The following PPP1R1C variants were observed in gnomAD, a reference collection of about 807,000 sequenced individuals.
PPP1R1C encodes protein phosphatase 1 regulatory inhibitor subunit 1C.
A neutral mutation model predicts 17.4 loss-of-function variants in PPP1R1C; 15 were observed. That is an observed-to-expected ratio of 0.86 (90% CI 0.58 to 1.33). The LOEUF (loss-of-function observed/expected upper bound fraction) is 1.33, where lower values mean the gene tolerates loss of function less well. Ranked by LOEUF, PPP1R1C falls within the 40% of genes most tolerant of loss-of-function variation. PPP1R1C has a pLI of 0.00. For missense variants in PPP1R1C, 143 were observed against 130.0 expected, an observed-to-expected ratio of 1.10 and a Z score of -0.48; for synonymous variants, 35 against 43.1, an observed-to-expected ratio of 0.81 and a Z score of 0.73.
chr2:181,970,158 T>C (rs1450444004), intron 1 of PPP1R1C, among the ~76,000 whole-genome samples: 1 of 151,678 alleles, frequency 6.6e-6, no homozygotes, highest in Non-Finnish European at 1.5e-5. Context: ...TCCTTTGAGG[T>C]CATGTTTTCC....
intron 2 of PPP1R1C, among the ~76,000 whole-genome samples, chr2:182,029,500 G>A (rs1365959271): frequency 2.0e-5 from 3 of 149,542 alleles, no homozygotes; most frequent in Non-Finnish European, 3.0e-5. Context: ...ATGAAATTCT[G>A]GGTTGAAAAT....
At chr2:182,086,498 A>T (rs1688634408) in intron 4 of PPP1R1C, among the ~76,000 whole-genome samples, 1 of 152,160 alleles carries the variant, frequency 6.6e-6, no homozygotes, top group Non-Finnish European at 1.5e-5. Flanking sequence ...TTGTTATAGG[A>T]TTCTGCATTT....
chr2:182,061,455 GAGGGGGCCCAACACACA>G lies in PPP1R1C; in HGVS notation c.162_178del (p.Pro55IlefsTer7). 6.8e-7 allele frequency: 1 copy of G among 1,475,204 alleles called. No individual in the cohort carries two copies. The highest frequency in any genetic ancestry group is 1.4e-5 in the South Asian group (1 of 73,292). The allele number at this position is 1,475,204 out of a possible 1,614,324, so 91.4% of individuals were successfully genotyped here. A position where few individuals can be genotyped will look rare whatever the true frequency, so the allele number is the denominator to read the frequency against. On this transcript the variant is annotated frameshift_variant, in exon 3 of 5. Coordinates refer to ENST00000682840, the MANE Select transcript of PPP1R1C (RefSeq NM_001080545.3). LOFTEE classifies it high-confidence loss of function. ...CTTCTCTTACAGAAATAGATGACAA[GAGGGGGCCCAACACACA>G]AGGGGAAGTAAGTTTTTAAAAATAT...
intron 4 of PPP1R1C, among the ~76,000 whole-genome samples, chr2:182,104,818 G>T (rs1044229398): frequency 6.6e-6 from 1 of 152,172 alleles, no homozygotes; most frequent in East Asian, 1.9e-4. Flanking sequence ...TATTTTGGAA[G>T]ATTTTGTTAA....
At chr2:181,997,475 A>AT (rs74804944) in intron 2 of PPP1R1C, among the ~76,000 whole-genome samples, 57 of 152,008 alleles carry the variant, frequency 3.7e-4, no homozygotes, top group East Asian at 1.2e-3. Flanking sequence ...GCTAATAATA[A>AT]TTTTTTTGTT....
intron 2 of PPP1R1C, among the ~76,000 whole-genome samples, chr2:182,049,280 A>G (rs1302323286): frequency 6.6e-6 from 1 of 150,714 alleles, no homozygotes; most frequent in Non-Finnish European, 1.5e-5. Flanking sequence ...CCATGAGCCA[A>G]GATCATGCCA....
At chr2:182,004,447 T>C (rs931394595) in intron 2 of PPP1R1C, among the ~76,000 whole-genome samples, 1 of 152,130 alleles carries the variant, frequency 6.6e-6, no homozygotes, top group Non-Finnish European at 1.5e-5. Context: ...TAGGAACACA[T>C]AGCCCAGTCA....
intron 4 of PPP1R1C, among the ~76,000 whole-genome samples, chr2:182,081,259 G>C (rs1473764528): frequency 6.6e-6 from 1 of 152,096 alleles, no homozygotes; most frequent in Non-Finnish European, 1.5e-5. Flanking sequence ...TATACAAAAG[G>C]GGGTTAAAGG....
At chr2:182,103,809 AGG>A (rs1689170959) in intron 4 of PPP1R1C, 1 of 152,240 alleles carries the variant, frequency 6.6e-6, no homozygotes, top group Non-Finnish European at 1.5e-5. Flanking sequence ...AACTGAGTGG[AGG>A]CCTTCCACAG....
At chr2:182,045,393 T>C (rs1444340301) in intron 2 of PPP1R1C, among the ~76,000 whole-genome samples, 1 of 151,564 alleles carries the variant, frequency 6.6e-6, no homozygotes, top group Non-Finnish European at 1.5e-5. Context: ...GAAAGTGAAA[T>C]AGGATTTTAA....
chr2:182,124,304 GTTTTTTTTTGT>G lies in PPP1R1C; in HGVS notation c.*7-4660_*7-4650del, dbSNP rs1273833159. On this transcript the variant is annotated intron_variant, in intron 5 of 5. Transcript: ENST00000280295. Reference sequence around the variant, plus strand: ...CAGGTAGTGTTATGCCTCCAGCTTTGTTTTTTTTTGTTTTTTTTTTTTGTTTTTTTTTTTGT... The same window carrying G: ...CAGGTAGTGTTATGCCTCCAGCTTTGTTTTTTTTTTTGTTTTTTTTTTTGT... Among the ~76,000 whole-genome samples, 76 of 77,648 alleles carry G rather than the reference GTTTTTTTTTGT, an allele frequency of 9.8e-4. 1 individual carries two copies. Among genetic ancestry groups the G allele is most frequent in the African/African-American group, 3.2e-3 (72 of 22,638 alleles). 50.9% of individuals were successfully genotyped at this position (77,648 alleles called of 152,430 possible). A position where few individuals can be genotyped will look rare whatever the true frequency, so the allele number is the denominator to read the frequency against.
intron 2 of PPP1R1C, among the ~76,000 whole-genome samples, chr2:181,980,570 G>A (rs1411309906): frequency 6.6e-6 from 1 of 152,070 alleles, no homozygotes; most frequent in Non-Finnish European, 1.5e-5. Flanking sequence ...ACAGTGCCTC[G>A]GCTCTACAAA....
intron 2 of PPP1R1C, among the ~76,000 whole-genome samples, chr2:182,053,436 G>A (rs1258497825): frequency 6.6e-6 from 1 of 152,088 alleles, no homozygotes; most frequent in Non-Finnish European, 1.5e-5. Flanking sequence ...GCTGTATTTT[G>A]TCATTTTTGA....
chr2:181,990,975 C>T (rs1214424026), intron 2 of PPP1R1C, among the ~76,000 whole-genome samples: 1 of 152,136 alleles, frequency 6.6e-6, no homozygotes, highest in Non-Finnish European at 1.5e-5. Flanking sequence ...CAAAACCCTG[C>T]AAATCTTTCT....
At chr2:181,981,114 G>T (rs1432332366), upstream of PPP1R1C, among the ~76,000 whole-genome samples, 1 of 151,676 alleles carries the variant, frequency 6.6e-6, no homozygotes. Flanking sequence ...ATTTTTAGTA[G>T]AGACGGGGTT....
At chr2:182,081,048 G>T (rs1250297436) in intron 4 of PPP1R1C, among the ~76,000 whole-genome samples, 1 of 152,114 alleles carries the variant, frequency 6.6e-6, no homozygotes, top group African/African-American at 2.4e-5. Context: ...ACACTTATTT[G>T]GTTGCTACTT....
At chr2:182,007,790 C>T (rs1174990832) in intron 2 of PPP1R1C, among the ~76,000 whole-genome samples, 1 of 152,154 alleles carries the variant, frequency 6.6e-6, no homozygotes, top group Non-Finnish European at 1.5e-5. Flanking sequence ...AGGCTAGGCG[C>T]GGTGGCTCAC....
At chr2:182,038,321 G>A (rs1008820902) in intron 2 of PPP1R1C, among the ~76,000 whole-genome samples, 5 of 152,238 alleles carry the variant, frequency 3.3e-5, no homozygotes, top group African/African-American at 7.2e-5. Flanking sequence ...TTATAGGCAC[G>A]AGCCACTGCA....
intron 2 of PPP1R1C, among the ~76,000 whole-genome samples, chr2:182,039,146 T>G (rs1258885160): frequency 6.6e-6 from 1 of 152,246 alleles, no homozygotes; most frequent in Non-Finnish European, 1.5e-5. Flanking sequence ...GTATTGATCT[T>G]CTTTTCTATG....
Sources: gnomAD v4.1 joint callset for allele counts (sites outside exome capture counted in the v4.1 genomes callset) on GRCh38, gnomAD v4.1.1 for gene constraint, MANE v1.5 for transcripts, NCBI Gene and HGNC (gene_info 2026-07-23, HGNC 2026-07-21) for gene names.